Variants in LYPLAL1 observed in about 807,000 individuals in gnomAD.
LYPLAL1 encodes the protein lysophospholipase like 1.
In LYPLAL1, 23 loss-of-function variants were observed where a neutral mutation model predicts 19.7. The ratio of observed to expected loss-of-function variants is 1.17; its 90% CI spans 0.84 to 1.65. The LOEUF (loss-of-function observed/expected upper bound fraction) is 1.65, where lower values mean the gene tolerates loss of function less well. LYPLAL1 is among the 40% of genes most tolerant of loss of function. LYPLAL1 has a pLI of 0.00. For missense variants in LYPLAL1, 355 were observed against 279.4 expected (o/e 1.27, Z -1.93); for synonymous variants, 119 against 96.3 (o/e 1.24, Z -1.38).
At chr1:219,238,786 T>C in the LYPLAL1 span, among the ~76,000 whole-genome samples, 1 of 152,172 alleles carries the variant, frequency 6.6e-6, no homozygotes, top group South Asian at 2.1e-4. Context: ...TTATTTAAAA[T>C]TGTCATTAAC....
the LYPLAL1 span, among the ~76,000 whole-genome samples, chr1:219,234,891 AG>A: frequency 2.0e-5 from 3 of 152,174 alleles, no homozygotes; most frequent in Non-Finnish European, 4.4e-5. Context: ...TCTAATTTGG[AG>A]GCAAACTGAG....
At chr1:219,367,946 T>A in the LYPLAL1 span, among the ~76,000 whole-genome samples, 2 of 2,088 alleles carry the variant, frequency 9.6e-4, no homozygotes, top group Non-Finnish European at 0.071. Flanking sequence ...GGCTTTACAA[T>A]TTTTTTTTTT....
chr1:219,373,412 C>T, the LYPLAL1 span, among the ~76,000 whole-genome samples: 1 of 152,124 alleles, frequency 6.6e-6, no homozygotes, highest in African/African-American at 2.4e-5. Context: ...AGAAATCTAG[C>T]TCCTGCTTGC....
the LYPLAL1 span, among the ~76,000 whole-genome samples, chr1:219,428,733 A>G: frequency 6.6e-6 from 1 of 152,170 alleles, no homozygotes; most frequent in Non-Finnish European, 1.5e-5. Context: ...TTCCACACAC[A>G]AGTAATTTTT....
chr1:219,252,533 T>C, the LYPLAL1 span, among the ~76,000 whole-genome samples: 6 of 152,148 alleles, frequency 3.9e-5, no homozygotes, highest in African/African-American at 1.4e-4. Flanking sequence ...CTGTATCTAT[T>C]GAGATAAGCA....
the LYPLAL1 span, among the ~76,000 whole-genome samples, chr1:219,423,385 G>C: frequency 6.6e-6 from 1 of 152,148 alleles, no homozygotes; most frequent in African/African-American, 2.4e-5. Flanking sequence ...TTCCTAATAA[G>C]CTCCTTGAAG....
At chr1:219,300,150 A>C in the LYPLAL1 span, among the ~76,000 whole-genome samples, 1 of 151,874 alleles carries the variant, frequency 6.6e-6, no homozygotes, top group South Asian at 2.1e-4. Context: ...TGCCCACCTA[A>C]TATGTTTAGT....
At chr1:219,402,641 A>T in the LYPLAL1 span, among the ~76,000 whole-genome samples, 4 of 129,066 alleles carry the variant, frequency 3.1e-5, no homozygotes, top group East Asian at 5.3e-4. Context: ...CCTACCAGAA[A>T]CCAAAAAAAA....
chr1:219,174,733 C>T (rs1007381414), intron 1 of LYPLAL1, among the ~76,000 whole-genome samples: 6 of 152,310 alleles, frequency 3.9e-5, no homozygotes, highest in Non-Finnish European at 8.8e-5. Flanking sequence ...AGTAAGGGCC[C>T]TTGTGTCAAC....
intron 3 of LYPLAL1, among the ~76,000 whole-genome samples, chr1:219,195,744 A>G (rs1270438818): frequency 6.6e-6 from 1 of 152,174 alleles, no homozygotes; most frequent in Admixed American, 6.6e-5. Flanking sequence ...GGTTTGTTAC[A>G]TAGGTAAACA....
the LYPLAL1 span, among the ~76,000 whole-genome samples, chr1:219,339,311 T>C: frequency 6.6e-6 from 1 of 152,002 alleles, no homozygotes; most frequent in African/African-American, 2.4e-5. Flanking sequence ...TCTCTGAGCC[T>C]CAAGTACTTC....
chr1:219,174,304 G>A (rs1655625304), intron 1 of LYPLAL1: 1 of 1,201,248 alleles, frequency 8.3e-7, no homozygotes, highest in Non-Finnish European at 1.0e-6. Flanking sequence ...AAGTTAGTAA[G>A]GTAAGTCTTC....
chr1:219,176,431 A>G (rs2125014498), intron 1 of LYPLAL1, among the ~76,000 whole-genome samples: 1 of 152,336 alleles, frequency 6.6e-6, no homozygotes, highest in South Asian at 2.1e-4. Context: ...AAGTTGACTG[A>G]GTAGCTTCTT....
At chr1:219,382,861 G>C in the LYPLAL1 span, among the ~76,000 whole-genome samples, 1 of 147,734 alleles carries the variant, frequency 6.8e-6, no homozygotes, top group Non-Finnish European at 1.5e-5. Flanking sequence ...AAAAAGTTTT[G>C]TTTTGTTTTT....
chr1:219,262,828 A>C, the LYPLAL1 span, among the ~76,000 whole-genome samples: 1 of 152,230 alleles, frequency 6.6e-6, no homozygotes, highest in South Asian at 2.1e-4. Flanking sequence ...TCTAGCAGTG[A>C]AGTTGTCACA....
intron 3 of LYPLAL1, among the ~76,000 whole-genome samples, chr1:219,198,291 A>G (rs1014285891): frequency 1.3e-5 from 2 of 152,098 alleles, no homozygotes; most frequent in African/African-American, 2.4e-5. Context: ...AAAAAAGAAA[A>G]AAAACTATTA....
the LYPLAL1 span, among the ~76,000 whole-genome samples, chr1:219,263,672 G>A: frequency 1.3e-5 from 2 of 152,130 alleles, no homozygotes; most frequent in Non-Finnish European, 2.9e-5. Context: ...TGGCTTCCCT[G>A]GGCTTGAGCT....
the LYPLAL1 span, among the ~76,000 whole-genome samples, chr1:219,234,463 G>A: frequency 6.6e-6 from 1 of 151,888 alleles, no homozygotes; most frequent in African/African-American, 2.4e-5. Flanking sequence ...AATACTCACA[G>A]AATACTAAGT....
At chr1:219,289,678 T>C in the LYPLAL1 span, among the ~76,000 whole-genome samples, 1 of 152,230 alleles carries the variant, frequency 6.6e-6, no homozygotes, top group Admixed American at 6.5e-5. Context: ...TAGATGTTTT[T>C]CTTTTTCATG....
Sources: gnomAD v4.1 joint callset for allele counts (sites outside exome capture counted in the v4.1 genomes callset) on GRCh38, gnomAD v4.1.1 for gene constraint, MANE v1.5 for transcripts, NCBI Gene and HGNC (gene_info 2026-07-23, HGNC 2026-07-21) for gene names.